Variants in PRPSAP2 observed in about 807,000 individuals in gnomAD.
PRPSAP2 encodes phosphoribosyl pyrophosphate synthetase associated protein 2.
A neutral mutation model predicts 40.6 loss-of-function variants in PRPSAP2; 24 were observed. That is an observed-to-expected ratio of 0.59 (90% CI 0.43 to 0.83). PRPSAP2 has a LOEUF of 0.83. PRPSAP2 is among the 40% of genes least tolerant of loss of function. The pLI, the probability that PRPSAP2 is intolerant of heterozygous loss-of-function variation, is 0.00. For missense variants in PRPSAP2, 292 were observed against 465.6 expected, an observed-to-expected ratio of 0.63 and a Z score of 3.43; for synonymous variants, 149 against 164.7, an observed-to-expected ratio of 0.90 and a Z score of 0.73.
chr17:18,886,091 G>A (rs1473342795), intron 7 of PRPSAP2, among the ~76,000 whole-genome samples: 1 of 152,094 alleles, frequency 6.6e-6, no homozygotes, highest in East Asian at 1.9e-4. Flanking sequence ...TCTTAAAGCA[G>A]GGGATAGATA....
At chr17:18,886,468 A>T (rs1264678739) in intron 7 of PRPSAP2, among the ~76,000 whole-genome samples, 4 of 151,118 alleles carry the variant, frequency 2.6e-5, no homozygotes, top group Non-Finnish European at 4.4e-5. Context: ...CCATTCTCCT[A>T]GGCCTCAGCC....
chr17:18,893,718 G>A (rs116336711), intron 8 of PRPSAP2, among the ~76,000 whole-genome samples: 1,867 of 151,926 alleles, frequency 0.012, 34 homozygotes, highest in African/African-American at 0.043. Context: ...TTGCACCACT[G>A]CCTGGCTAAT....
chr17:18,885,682 G>A (rs1567698987), intron 7 of PRPSAP2, among the ~76,000 whole-genome samples: 1 of 152,016 alleles, frequency 6.6e-6, no homozygotes, highest in Non-Finnish European at 1.5e-5. Context: ...CCCCCTCCCA[G>A]GTTCAAGTGA....
intron 8 of PRPSAP2, among the ~76,000 whole-genome samples, chr17:18,890,545 C>T (rs867536461): frequency 3.1e-4 from 47 of 152,196 alleles, no homozygotes; most frequent in African/African-American, 1.1e-3. Flanking sequence ...GAGGCTCAAA[C>T]GATCCACCCA....
chr17:18,908,021 C>T (rs1213210974), intron 8 of PRPSAP2, among the ~76,000 whole-genome samples: 5 of 152,202 alleles, frequency 3.3e-5, no homozygotes, highest in African/African-American at 1.2e-4. Flanking sequence ...CCCTGTAATC[C>T]CAGCTACTCG....
intron 8 of PRPSAP2, among the ~76,000 whole-genome samples, chr17:18,905,916 T>A (rs1033123611): frequency 1.4e-4 from 22 of 152,014 alleles, no homozygotes; most frequent in Admixed American, 3.9e-4. Context: ...ACTATTTTGA[T>A]TTTTTTTGTA....
chr17:18,859,128 G>A (rs972639892), intron 1 of PRPSAP2, among the ~76,000 whole-genome samples: 2 of 152,070 alleles, frequency 1.3e-5, no homozygotes, highest in African/African-American at 2.4e-5. Flanking sequence ...TGGTGTACTT[G>A]TTCTTTGAAA....
intron 4 of PRPSAP2, among the ~76,000 whole-genome samples, chr17:18,868,723 A>AT (rs34924536): frequency 0.25 from 35,588 of 144,288 alleles, 5,068 homozygotes; most frequent in African/African-American, 0.4. Flanking sequence ...TTAAAAAAAC[A>AT]TTTTTTTTTT....
intron 9 of PRPSAP2, among the ~76,000 whole-genome samples, chr17:18,923,537 G>A (rs2041815660): frequency 1.3e-5 from 2 of 152,166 alleles, no homozygotes; most frequent in South Asian, 2.1e-4. Flanking sequence ...TGGATTTGTG[G>A]ATTCTTGGGT....
intron 9 of PRPSAP2, among the ~76,000 whole-genome samples, chr17:18,921,238 T>C (rs1253712901): frequency 6.9e-6 from 1 of 145,168 alleles, no homozygotes; most frequent in Non-Finnish European, 1.5e-5. Context: ...TGGCAGGAAA[T>C]ATATGTGGAT....
intron 8 of PRPSAP2, among the ~76,000 whole-genome samples, chr17:18,894,632 C>T (rs2039803442): frequency 1.3e-5 from 2 of 151,938 alleles, no homozygotes; most frequent in South Asian, 2.1e-4. Flanking sequence ...CACCTGCCAC[C>T]ATGCCCAGCT....
intron 7 of PRPSAP2, among the ~76,000 whole-genome samples, chr17:18,884,440 G>C (rs2038988178): frequency 6.6e-6 from 1 of 152,080 alleles, no homozygotes; most frequent in African/African-American, 2.4e-5. Flanking sequence ...CTGGGCTCAA[G>C]AGATTTCTCC....
intron 8 of PRPSAP2, among the ~76,000 whole-genome samples, chr17:18,892,688 A>AGTGTGTGTGTGTGT (rs3043879): frequency 6.9e-4 from 52 of 75,388 alleles, no homozygotes; most frequent in South Asian, 8.6e-4. Flanking sequence ...CAGCCTGTTG[A>AGTGTGTGTGTGTGT]GTGTGTGTGT....
chr17:18,914,003 G>A (rs1330438424), intron 9 of PRPSAP2, among the ~76,000 whole-genome samples: 4 of 151,092 alleles, frequency 2.6e-5, no homozygotes, highest in South Asian at 2.1e-4. Flanking sequence ...ATGAAACCCC[G>A]TCTCTACAAA....
intron 9 of PRPSAP2, among the ~76,000 whole-genome samples, chr17:18,923,077 C>CTATT (rs2041784346): frequency 6.7e-6 from 1 of 149,970 alleles, no homozygotes; most frequent in South Asian, 2.1e-4. Flanking sequence ...TTATTTTTAT[C>CTATT]TATTTATTTA....
At chr17:18,922,259 G>A (rs965377586) in intron 9 of PRPSAP2, among the ~76,000 whole-genome samples, 1 of 152,182 alleles carries the variant, frequency 6.6e-6, no homozygotes, top group African/African-American at 2.4e-5. Flanking sequence ...TCATGTATGA[G>A]TTTTCTGTGT....
In PRPSAP2 at chr17:18,908,594, T is replaced by G. The variant is rs559936247; in HGVS notation, c.585-2509T>G. On this transcript the variant is annotated intron_variant, in intron 8 of 11. Coordinates refer to ENST00000268835, the MANE Select transcript of PRPSAP2 (RefSeq NM_002767.4). ...CCACTCTTCACGCTGATAATGGAGC[T>G]GAAGCCCAACATGGGTAGTGACCAT... 14 of 727,450 alleles carry G rather than the reference T, an allele frequency of 1.9e-5. No homozygotes were observed. The Admixed American group carries it at 2.6e-4, about 14-fold the overall frequency. The allele number at this position is 727,450 out of a possible 1,614,324, so 45.1% of individuals were successfully genotyped here. A position where few individuals can be genotyped will look rare whatever the true frequency, so the allele number is the denominator to read the frequency against.
At position 18,930,936 on chromosome 17, in the gene PRPSAP2, G is replaced by T; in HGVS notation, c.*238G>T. 3.1e-6 allele frequency: 1 copy of T among 318,316 alleles called. No homozygotes were observed. The highest frequency in any genetic ancestry group is 5.1e-5 in the East Asian group (1 of 19,604). The allele number at this position is 318,316 out of a possible 1,614,324, so 19.7% of individuals were successfully genotyped here. On this transcript the variant is annotated 3_prime_UTR_variant, in exon 12 of 12. Transcript: ENST00000268835. ...TCCTCTTTTGAAAAGGTAAGACCTC[G>T]TTTTAGTTGTAACTGTTTAAAAAAT...
intron 4 of PRPSAP2, among the ~76,000 whole-genome samples, chr17:18,870,470 T>G (rs1158877243): frequency 1.3e-5 from 2 of 151,996 alleles, no homozygotes; most frequent in African/African-American, 4.8e-5. Context: ...CTAGGAATAA[T>G]TACTTTCACC....
Sources: allele counts gnomAD v4.1 joint callset (sites outside exome capture counted in the v4.1 genomes callset), GRCh38; gene constraint gnomAD v4.1.1; transcripts MANE v1.5; gene names NCBI Gene and HGNC (gene_info 2026-07-23, HGNC 2026-07-21).